The following COX15 variants were observed in gnomAD, a reference collection of about 807,000 sequenced individuals.
COX15 encodes the protein heme A synthase COX15.
COX15 carries 51 observed loss-of-function variants against 51.9 expected under a neutral mutation model. The observed-to-expected ratio is 0.98, with a 90% CI of 0.78 to 1.24. The LOEUF (loss-of-function observed/expected upper bound fraction) is 1.24, where lower values mean the gene tolerates loss of function less well. Ranked by LOEUF, COX15 falls within the 50% of genes most tolerant of loss-of-function variation. The pLI is 0.00. For missense variants in COX15, 420 were observed against 501.1 expected, an observed-to-expected ratio of 0.84 and a Z score of 1.55; for synonymous variants, 188 against 190.5, an observed-to-expected ratio of 0.99 and a Z score of 0.11.
downstream of COX15, chr10:99,710,809 G>A (rs1472521992): frequency 8.1e-6 from 8 of 985,200 alleles, no homozygotes; most frequent in Middle Eastern, 5.2e-4. Context: ...CATTACCCCT[G>A]CTACAATAGA....
chr10:99,701,047 G>A, the COX15 span: 1 of 1,613,808 alleles, frequency 6.2e-7, no homozygotes, highest in Non-Finnish European at 8.5e-7. Context: ...ATGCAGATGA[G>A]CATCGACTCA....
chr10:99,701,316 C>T, the COX15 span, among the ~76,000 whole-genome samples: 2 of 149,794 alleles, frequency 1.3e-5, no homozygotes, highest in Non-Finnish European at 3.0e-5. Flanking sequence ...GAGACAGAGT[C>T]TCACTTTGTT....
chr10:99,725,941 GC>G (rs2036935940), intron 4 of COX15, among the ~76,000 whole-genome samples: 1 of 152,096 alleles, frequency 6.6e-6, no homozygotes, highest in Admixed American at 6.5e-5. Flanking sequence ...TTTCTTTGAT[GC>G]CCTGATAATC....
chr10:99,695,642 G>C, the COX15 span, among the ~76,000 whole-genome samples: 3 of 152,222 alleles, frequency 2.0e-5, no homozygotes, highest in South Asian at 6.2e-4. Context: ...TTCCCATTGA[G>C]GGAATTGGAA....
intron 2 of COX15, 123 bp downstream of exon 2, chr10:99,729,430 A>C: frequency 9.6e-7 from 1 of 1,046,506 alleles, no homozygotes; most frequent in Non-Finnish European, 1.5e-6. Context: ...ACTGCACTCC[A>C]GCCTGGCCAA....
chr10:99,698,702 C>A, the COX15 span: 5 of 1,614,184 alleles, frequency 3.1e-6, no homozygotes, highest in South Asian at 5.5e-5. Context: ...TGGCTCGCTC[C>A]AACACCAGCC....
intron 5 of COX15, among the ~76,000 whole-genome samples, chr10:99,722,604 G>A (rs866181588): frequency 6.6e-6 from 1 of 152,082 alleles, no homozygotes; most frequent in Non-Finnish European, 1.5e-5. Flanking sequence ...AGGCCGAGGC[G>A]GGTGGATCAC....
rs1358458882 is a variant in COX15 at position 99,711,653 on chromosome 10, C to T, written c.*2934G>A. 2 of 985,276 alleles carry T rather than the reference C, an allele frequency of 2.0e-6. No homozygotes were observed. Among genetic ancestry groups the T allele is most frequent in the East Asian group, 2.3e-4 (2 of 8,818 alleles). The allele number at this position is 985,276 out of a possible 1,614,324, so 61.0% of individuals were successfully genotyped here. ...CTTTTACTTCCTCCAGGGATTGTGACTTAATTGGTCTTAGATGAGGCTTGG... is the reference window on the plus strand; with the variant it reads ...CTTTTACTTCCTCCAGGGATTGTGATTTAATTGGTCTTAGATGAGGCTTGG... On this transcript the variant is annotated 3_prime_UTR_variant, in exon 9 of 9. Coordinates refer to ENST00000016171, the MANE Select transcript of COX15 (RefSeq NM_078470.6).
chr10:99,727,431 TA>T lies in COX15; in HGVS notation c.395+9del, dbSNP rs566441362. 1.6e-4 allele frequency: 263 copies of T among 1,612,964 alleles called. 2 individuals are homozygous for T. In the South Asian group the frequency reaches 2.7e-3, roughly 16 times the overall value. ...ACTGGGATGTTTACCTAATTTTCTCTAATACTTACATTTTAAATTCTGGAAA... is the reference window on the plus strand; with the variant it reads ...ACTGGGATGTTTACCTAATTTTCTCTATACTTACATTTTAAATTCTGGAAA... On this transcript the variant is annotated intron_variant, in intron 3 of 8. Coordinates refer to ENST00000016171, the MANE Select transcript of COX15 (RefSeq NM_078470.6).
intron 1 of COX15, 100 bp downstream of exon 1, chr10:99,731,860 G>A: frequency 1.4e-6 from 2 of 1,470,762 alleles, no homozygotes; most frequent in Non-Finnish European, 1.9e-6. Flanking sequence ...TGCACTGTAA[G>A]GAGCTCCGGA....
chr10:99,698,878 C>A, the COX15 span: 1 of 1,570,706 alleles, frequency 6.4e-7, no homozygotes, highest in Non-Finnish European at 8.6e-7. Flanking sequence ...TAATGATAAA[C>A]ATGGCTTATG....
chr10:99,698,323 C>G, the COX15 span, among the ~76,000 whole-genome samples: 1 of 152,174 alleles, frequency 6.6e-6, no homozygotes, highest in East Asian at 1.9e-4. Flanking sequence ...AAATGTCGAA[C>G]AGAATTGATC....
chr10:99,711,859 GA>G lies in COX15; in HGVS notation c.*2727del, dbSNP rs1328931170. 3.1e-6 allele frequency: 3 copies of G among 980,416 alleles called. No individual in the cohort carries two copies. In the African/African-American group the frequency reaches 5.3e-5, roughly 17 times the overall value. The allele number at this position is 980,416 out of a possible 1,614,324, so 60.7% of individuals were successfully genotyped here. A position where few individuals can be genotyped will look rare whatever the true frequency, so the allele number is the denominator to read the frequency against. ...ATACTGACAATTTTTAGAAAGAAAA[GA>G]GGTTTATTTGGCTCACTGTTCTGCA... On this transcript the variant is annotated 3_prime_UTR_variant, in exon 9 of 9. Coordinates refer to ENST00000016171, the MANE Select transcript of COX15 (RefSeq NM_078470.6).
At chr10:99,708,981 T>C (rs560743000), downstream of COX15, 202 of 985,476 alleles carry the variant, frequency 2.0e-4, 2 homozygotes, top group African/African-American at 3.4e-3. Flanking sequence ...TGCTCACATT[T>C]AGGAATAAAC....
At chr10:99,730,453 G>A (rs1401661625) in intron 1 of COX15, among the ~76,000 whole-genome samples, 3 of 152,054 alleles carry the variant, frequency 2.0e-5, no homozygotes, top group African/African-American at 4.8e-5. Context: ...GCATGGTGGT[G>A]TATGCTTGTA....
the COX15 span, chr10:99,698,957 A>G: frequency 8.9e-7 from 1 of 1,125,472 alleles, no homozygotes; most frequent in Non-Finnish European, 1.2e-6. Flanking sequence ...TGCATACAGA[A>G]TCTCACTTGT....
At chr10:99,700,782 T>C in the COX15 span, 3 of 632,598 alleles carry the variant, frequency 4.7e-6, no homozygotes, top group South Asian at 5.5e-5. Context: ...GCTGGCTTGG[T>C]GCTAGACATG....
At chr10:99,709,521 T>C (rs2036318431), downstream of COX15, 10 of 983,482 alleles carry the variant, frequency 1.0e-5, no homozygotes, top group Non-Finnish European at 1.2e-5. Context: ...TGATTAATAA[T>C]AACAGGATTA....
At chr10:99,709,299 A>G (rs2036312974), downstream of COX15, 6 of 985,372 alleles carry the variant, frequency 6.1e-6, no homozygotes, top group Non-Finnish European at 7.2e-6. Context: ...CAAAACTAGT[A>G]TCTAATTGTC....
Sources: allele counts gnomAD v4.1 joint callset (sites outside exome capture counted in the v4.1 genomes callset), GRCh38; gene constraint gnomAD v4.1.1; transcripts MANE v1.5; gene names NCBI Gene and HGNC (gene_info 2026-07-23, HGNC 2026-07-21).